Variants in PTK2 observed in about 807,000 individuals in gnomAD.
PTK2 encodes protein tyrosine kinase 2.
A neutral mutation model predicts 150.1 loss-of-function variants in PTK2; 45 were observed. The ratio of observed to expected loss-of-function variants is 0.30; its 90% CI spans 0.24 to 0.38. The LOEUF is 0.38. PTK2 is among the 10% of genes least tolerant of loss of function. The pLI, the probability that PTK2 is intolerant of heterozygous loss-of-function variation, is 1.00. For synonymous variants in PTK2, 432 were observed against 449.2 expected, an observed-to-expected ratio of 0.96 and a Z score of 0.48; for missense variants, 919 against 1,307.3, an observed-to-expected ratio of 0.70 and a Z score of 4.58.
At chr8:140,782,643 G>GT (rs548570015) in intron 14 of PTK2, among the ~76,000 whole-genome samples, 3,219 of 147,356 alleles carry the variant, frequency 0.022, 118 homozygotes, top group African/African-American at 0.073. Flanking sequence ...TTAGGGCAAG[G>GT]TTTTTTTTTT....
At chr8:140,804,280 T>A in intron 10 of PTK2, among the ~76,000 whole-genome samples, 1 of 151,234 alleles carries the variant, frequency 6.6e-6, no homozygotes, top group African/African-American at 2.4e-5. Flanking sequence ...ATAAACACTC[T>A]CCTTCTTAAA....
At chr8:140,677,520 G>T (rs551719279) in intron 27 of PTK2, among the ~76,000 whole-genome samples, 4 of 152,300 alleles carry the variant, frequency 2.6e-5, no homozygotes, top group Admixed American at 6.5e-5. Context: ...CTTTTGAAAA[G>T]AAAGACTTTT....
chr8:140,745,346 A>G (rs1322535496), intron 18 of PTK2, among the ~76,000 whole-genome samples: 1 of 152,236 alleles, frequency 6.6e-6, no homozygotes, highest in African/African-American at 2.4e-5. Context: ...ATAGAGGTAA[A>G]TGCTGACATG....
At chr8:140,717,551 A>G (rs757715814) in intron 23 of PTK2, 47 bp downstream of exon 26, 21 of 1,441,452 alleles carry the variant, frequency 1.5e-5, no homozygotes, top group Non-Finnish European at 1.8e-5. Context: ...GTAAATCTTG[A>G]AAGTTAGTAA....
At chr8:140,676,158 C>T (rs985238075) in intron 27 of PTK2, among the ~76,000 whole-genome samples, 14 of 151,924 alleles carry the variant, frequency 9.2e-5, no homozygotes, top group Non-Finnish European at 1.6e-4. Context: ...GGGCGATAAC[C>T]TTAGGTCAGG....
chr8:140,942,085 T>A (rs2100176029), intron 1 of PTK2, among the ~76,000 whole-genome samples: 1 of 146,332 alleles, frequency 6.8e-6, no homozygotes, highest in African/African-American at 2.5e-5. Flanking sequence ...AGATGAGGTG[T>A]TGCCATGTTG....
At chr8:140,852,345 T>A (rs1359404341) in intron 5 of PTK2, among the ~76,000 whole-genome samples, 2 of 152,122 alleles carry the variant, frequency 1.3e-5, no homozygotes, top group Non-Finnish European at 2.9e-5. Context: ...GCAACAGGGA[T>A]TTTCTTTGTG....
chr8:140,697,701 C>T (rs1194824895), intron 26 of PTK2, among the ~76,000 whole-genome samples: 1 of 152,018 alleles, frequency 6.6e-6, no homozygotes, highest in Admixed American at 6.6e-5. Context: ...CCACTGTGCC[C>T]AGCCAGAACA....
In PTK2 at chr8:140,860,358, A is replaced by T. The variant is rs549795527; in HGVS notation, c.450+3954T>A. 9.3e-4 allele frequency among the ~76,000 whole-genome samples: 142 copies of T among 152,332 alleles called. 1 individual carries two copies. Among genetic ancestry groups the T allele is most frequent in the Admixed American group, 4.6e-3 (70 of 15,302 alleles). The stretch of plus-strand genomic sequence containing the variant: ...AATCATAGGGAACTGCCAACGTTTC[A>T]ACTGTTTTTTACTTACGGTAAAGAT... On this transcript the variant is annotated intron_variant, in intron 5 of 31. Transcript: ENST00000522684.
intron 4 of PTK2, among the ~76,000 whole-genome samples, chr8:140,870,529 T>C (rs186658583): frequency 1.6e-3 from 243 of 152,170 alleles, no homozygotes; most frequent in Non-Finnish European, 3.0e-3. Flanking sequence ...TTAGTAAAGA[T>C]GACACAAAGG....
At chr8:140,959,046 A>T (rs1047475449) in intron 1 of PTK2, among the ~76,000 whole-genome samples, 1 of 152,188 alleles carries the variant, frequency 6.6e-6, no homozygotes, top group Non-Finnish European at 1.5e-5. Context: ...AAGAATATAT[A>T]CAGTATAATT....
chr8:141,000,123 ACACC>A lies in PTK2; in HGVS notation c.-122+998_-122+1001del, dbSNP rs200205853. On this transcript the variant is annotated intron_variant, in intron 1 of 31. Transcript: ENST00000522684. ...CACACACACACACACACACACACAC[ACACC>A]CCTTCTTCTAAGAAAGAACAGGATG... Among the ~76,000 whole-genome samples, 778 of 149,180 alleles carry A rather than the reference ACACC, an allele frequency of 5.2e-3. 8 individuals are homozygous for A. The highest frequency in any genetic ancestry group is 8.5e-3 in the African/African-American group (338 of 39,548).
intron 20 of PTK2, among the ~76,000 whole-genome samples, chr8:140,742,609 T>C (rs2100056386): frequency 6.6e-6 from 1 of 152,250 alleles, no homozygotes; most frequent in South Asian, 2.1e-4. Context: ...GACACAGATG[T>C]GGAACATCTG....
At chr8:140,681,681 G>A (rs1286605320) in intron 27 of PTK2, among the ~76,000 whole-genome samples, 1 of 152,094 alleles carries the variant, frequency 6.6e-6, no homozygotes, top group Non-Finnish European at 1.5e-5. Context: ...GGAGGCTGAG[G>A]CAGGAGAATG....
At chr8:140,721,382 A>G (rs536858919) in intron 22 of PTK2, among the ~76,000 whole-genome samples, 2 of 152,298 alleles carry the variant, frequency 1.3e-5, no homozygotes, top group African/African-American at 2.4e-5. Flanking sequence ...TGACAAATGT[A>G]AAGATGTTAC....
chr8:140,749,216 T>G (rs1401075438), intron 17 of PTK2, among the ~76,000 whole-genome samples: 1 of 152,136 alleles, frequency 6.6e-6, no homozygotes, highest in African/African-American at 2.4e-5. Flanking sequence ...ATCCAAAACA[T>G]ATAATTAAAT....
intron 5 of PTK2, among the ~76,000 whole-genome samples, chr8:140,852,433 A>C (rs1001933248): frequency 6.6e-6 from 1 of 152,188 alleles, no homozygotes; most frequent in Non-Finnish European, 1.5e-5. Flanking sequence ...AGAATTACAC[A>C]CACACACACA....
Position 140,855,893 on chromosome 8 carries a change from A to G in PTK2, c.450+8419T>C, listed in dbSNP as rs141777662. Among the ~76,000 whole-genome samples the G allele has an allele frequency of 5.8e-3, 880 of 152,248 alleles. 5 individuals are homozygous for G. The highest frequency in any genetic ancestry group is 0.02 in the African/African-American group (833 of 41,536). On this transcript the variant is annotated intron_variant, in intron 5 of 31. Transcript: ENST00000522684. ...TTATGAATGTATGTAGCACTGCTGA[A>G]CTGCACACTTAAAAATGGTTAAGAT...
intron 22 of PTK2, among the ~76,000 whole-genome samples, chr8:140,734,542 C>T (rs975399857): frequency 6.6e-6 from 1 of 152,122 alleles, no homozygotes; most frequent in Non-Finnish European, 1.5e-5. Context: ...GGCCAGGCAA[C>T]AGGGTAGAGT....
Sources: allele counts gnomAD v4.1 joint callset (sites outside exome capture counted in the v4.1 genomes callset), GRCh38; gene constraint gnomAD v4.1.1; transcripts MANE v1.5; gene names NCBI Gene and HGNC (gene_info 2026-07-23, HGNC 2026-07-21).